The following SMYD3 variants were observed in gnomAD, a reference collection of about 807,000 sequenced individuals.
SMYD3 encodes histone-lysine N-methyltransferase SMYD3.
In SMYD3, 36 loss-of-function variants were observed where a neutral mutation model predicts 57.7. The ratio of observed to expected loss-of-function variants is 0.62; its 90% CI spans 0.48 to 0.82. The LOEUF (loss-of-function observed/expected upper bound fraction) is 0.82. Ranked by LOEUF, SMYD3 falls within the 40% of genes least tolerant of loss-of-function variation. SMYD3 has a pLI of 0.00. For missense variants in SMYD3, 515 were observed against 538.8 expected, an observed-to-expected ratio of 0.96 and a Z score of 0.44; for synonymous variants, 211 against 195.0, an observed-to-expected ratio of 1.08 and a Z score of -0.68.
chr1:246,485,335 C>T (rs76482683), intron 1 of SMYD3, among the ~76,000 whole-genome samples: 3 of 152,184 alleles, frequency 2.0e-5, no homozygotes, highest in Non-Finnish European at 4.4e-5. Flanking sequence ...GCACTAGTTA[C>T]ACACTACCAG....
At chr1:245,931,090 T>A (rs1205517604) in intron 5 of SMYD3, among the ~76,000 whole-genome samples, 3 of 151,800 alleles carry the variant, frequency 2.0e-5, no homozygotes, top group Admixed American at 2.0e-4. Flanking sequence ...AAAGACGGAG[T>A]GGGATCACTT....
chr1:246,339,290 T>C (rs1458401608), intron 2 of SMYD3, among the ~76,000 whole-genome samples: 1 of 152,222 alleles, frequency 6.6e-6, no homozygotes, highest in Non-Finnish European at 1.5e-5. Context: ...ATGTGACTAA[T>C]GATGTCTTCC....
intron 5 of SMYD3, among the ~76,000 whole-genome samples, chr1:246,281,153 A>C (rs186680483): frequency 1.1e-3 from 171 of 152,334 alleles, no homozygotes; most frequent in Admixed American, 4.3e-3. Flanking sequence ...TACATCTGAG[A>C]ATTCAATTCT....
At chr1:246,272,437 T>C (rs2064239733) in intron 5 of SMYD3, among the ~76,000 whole-genome samples, 1 of 152,228 alleles carries the variant, frequency 6.6e-6, no homozygotes, top group South Asian at 2.1e-4. Flanking sequence ...TTTTACTATG[T>C]TGAAGTAGTT....
intron 8 of SMYD3, among the ~76,000 whole-genome samples, chr1:245,909,292 A>G (rs533426002): frequency 6.6e-6 from 1 of 152,286 alleles, no homozygotes; most frequent in African/African-American, 2.4e-5. Flanking sequence ...AATAGCAAGT[A>G]ATGAGATAGA....
chr1:246,327,372 A>C, intron 4 of SMYD3, 35 bp from the exon 5 acceptor site: 8 of 1,573,946 alleles, frequency 5.1e-6, no homozygotes, highest in Non-Finnish European at 6.9e-6. Flanking sequence ...CACAATCTCA[A>C]AGTAAACTTC....
At chr1:246,397,256 T>A (rs1445308985) in intron 1 of SMYD3, among the ~76,000 whole-genome samples, 1 of 152,176 alleles carries the variant, frequency 6.6e-6, no homozygotes, top group Non-Finnish European at 1.5e-5. Context: ...GGATCTAGGC[T>A]GCACACTCCT....
chr1:246,427,972 T>TG (rs1391129071), intron 1 of SMYD3, among the ~76,000 whole-genome samples: 8 of 152,132 alleles, frequency 5.3e-5, no homozygotes, highest in Admixed American at 5.2e-4. Flanking sequence ...GACATGAAAA[T>TG]GGGGGATATC....
At chr1:246,124,133 T>A in intron 5 of SMYD3, among the ~76,000 whole-genome samples, 1 of 152,228 alleles carries the variant, frequency 6.6e-6, no homozygotes, top group East Asian at 1.9e-4. Flanking sequence ...AATTATCCTA[T>A]CACTATTATT....
rs367608099 is a variant in SMYD3 at position 246,491,628 on chromosome 1, T to C, written c.164+15426A>G. On this transcript the variant is annotated intron_variant, in intron 1 of 11. Transcript: ENST00000490107. Reference sequence around the variant, plus strand: ...AGACTACTAATATGGCAACACTTCATAGAACAGATTGCAGTAGGGAGGATC... The same window carrying C: ...AGACTACTAATATGGCAACACTTCACAGAACAGATTGCAGTAGGGAGGATC... Among the ~76,000 whole-genome samples the C allele has an allele frequency of 1.1e-3, 168 of 151,578 alleles. 3 individuals are homozygous for C. The South Asian group carries it at 0.033, about 30-fold the overall frequency.
intron 10 of SMYD3, among the ~76,000 whole-genome samples, chr1:245,854,892 C>T (rs1244722069): frequency 1.3e-5 from 2 of 152,156 alleles, no homozygotes; most frequent in African/African-American, 4.8e-5. Context: ...TATGATGGAA[C>T]CATTGTTCAT....
intron 5 of SMYD3, among the ~76,000 whole-genome samples, chr1:246,263,903 G>A (rs2064057542): frequency 6.6e-6 from 1 of 152,080 alleles, no homozygotes; most frequent in African/African-American, 2.4e-5. Flanking sequence ...TGCTTATTAG[G>A]TGTAATTAAT....
chr1:245,945,473 T>A lies in SMYD3; in HGVS notation c.532-15536A>T, dbSNP rs542282363. 2.0e-5 allele frequency among the ~76,000 whole-genome samples: 3 copies of A among 152,270 alleles called. No individual in the cohort carries two copies. The East Asian group carries it at 5.8e-4, about 29-fold the overall frequency. ...GATTAAAAAGTCAAGAAACAACAGA[T>A]GCTGGCAAGGCTGCAAAGAAATAGG... On this transcript the variant is annotated intron_variant, in intron 5 of 11. Coordinates refer to ENST00000490107, the MANE Select transcript of SMYD3 (RefSeq NM_001167740.2).
At chr1:245,938,079 C>T (rs977645831) in intron 5 of SMYD3, among the ~76,000 whole-genome samples, 2 of 152,200 alleles carry the variant, frequency 1.3e-5, no homozygotes, top group African/African-American at 2.4e-5. Context: ...AGATACAGTG[C>T]GTGCTGAGGT....
At chr1:245,844,197 G>A (rs751892600) in intron 10 of SMYD3, among the ~76,000 whole-genome samples, 1 of 152,122 alleles carries the variant, frequency 6.6e-6, no homozygotes, top group Non-Finnish European at 1.5e-5. Context: ...TTTTAACCTT[G>A]TGATGAAATA....
intron 5 of SMYD3, among the ~76,000 whole-genome samples, chr1:246,149,591 A>G (rs1006238403): frequency 6.6e-6 from 1 of 152,202 alleles, no homozygotes; most frequent in Admixed American, 6.5e-5. Context: ...GCAGATAAAA[A>G]AAAGCTTTTA....
chr1:246,391,377 TGAGAGAGAGAGAGA>T (rs746811956), intron 1 of SMYD3, among the ~76,000 whole-genome samples: 4 of 117,374 alleles, frequency 3.4e-5, no homozygotes, highest in East Asian at 2.6e-4. Flanking sequence ...GAGACCTTAT[TGAGAGAGAGAGAGA>T]GAAAGAGAGA....
chr1:245,751,620 AAAAG>A (rs994821930), intron 11 of SMYD3, among the ~76,000 whole-genome samples: 2 of 126,394 alleles, frequency 1.6e-5, no homozygotes, highest in Non-Finnish European at 3.4e-5. Context: ...GAGAGAGAGA[AAAAG>A]AGAGAGAGAG....
intron 5 of SMYD3, among the ~76,000 whole-genome samples, chr1:246,189,728 C>T (rs531333609): frequency 6.6e-6 from 1 of 152,088 alleles, no homozygotes; most frequent in African/African-American, 2.4e-5. Context: ...AGACCCCCTA[C>T]GGTTTATTTA....
Sources: allele counts gnomAD v4.1 joint callset (sites outside exome capture counted in the v4.1 genomes callset), GRCh38; gene constraint gnomAD v4.1.1; transcripts MANE v1.5; gene names NCBI Gene and HGNC (gene_info 2026-07-23, HGNC 2026-07-21).